SMNDC1: variants seen among roughly 807,000 people sequenced by gnomAD.
The protein encoded by SMNDC1 is survival motor neuron domain containing 1.
SMNDC1 carries 5 observed loss-of-function variants against 29.2 expected under a neutral mutation model. The ratio of observed to expected loss-of-function variants is 0.17; its 90% CI spans 0.09 to 0.36. The LOEUF (loss-of-function observed/expected upper bound fraction) is 0.36, where lower values mean the gene tolerates loss of function less well. SMNDC1 is among the 10% of genes least tolerant of loss of function. The pLI, the probability that SMNDC1 is intolerant of heterozygous loss-of-function variation, is 1.00. For synonymous variants in SMNDC1, 80 were observed against 89.9 expected (o/e 0.89, Z 0.62); for missense variants, 142 against 268.5 (o/e 0.53, Z 3.29).
chr10:110,293,941 T>C lies in SMNDC1; in HGVS notation c.*209A>G, dbSNP rs1003609972. 1 of 383,348 alleles carries C rather than the reference T, an allele frequency of 2.6e-6. No homozygotes were observed. The highest frequency in any genetic ancestry group is 4.6e-6 in the Non-Finnish European group (1 of 216,318). 23.7% of individuals were successfully genotyped at this position (383,348 alleles called of 1,614,324 possible). On this transcript the variant is annotated 3_prime_UTR_variant, in exon 6 of 6. Coordinates refer to ENST00000369603, the MANE Select transcript of SMNDC1 (RefSeq NM_005871.4). ...AAAAGTTGCTTTATTCAACAAACTT[T>C]GAGGGAACCGTGGTACTGATAATGA...
intron 3 of SMNDC1, among the ~76,000 whole-genome samples, 161 bp downstream of exon 3, chr10:110,298,487 C>G (rs1202159330): frequency 2.0e-5 from 3 of 152,144 alleles, no homozygotes; most frequent in African/African-American, 7.2e-5. Flanking sequence ...TAAAACTAAA[C>G]TGTATTAATG....
At chr10:110,302,197 T>A (rs1043708046) in intron 2 of SMNDC1, among the ~76,000 whole-genome samples, 2 of 152,178 alleles carry the variant, frequency 1.3e-5, no homozygotes, top group Non-Finnish European at 2.9e-5. Context: ...TCACAACATA[T>A]GAGCAAATCA....
chr10:110,297,488 A>C, intron 4 of SMNDC1, 79 bp downstream of exon 4: 1 of 1,334,306 alleles, frequency 7.5e-7, no homozygotes, highest in South Asian at 1.4e-5. Context: ...TTTCTTATGC[A>C]TAGATTCTCT....
At position 110,297,550 on chromosome 10, in the gene SMNDC1, A is replaced by C; in HGVS notation, c.425+17T>G. Reference sequence around the variant, plus strand: ...GGGGAAGATTGCACCTAAAATGGAAAAGTCAAAGTCACTTACTTTGACATG... The same window carrying C: ...GGGGAAGATTGCACCTAAAATGGAACAGTCAAAGTCACTTACTTTGACATG... On this transcript the variant is annotated intron_variant, in intron 4 of 5. Coordinates refer to ENST00000369603, the MANE Select transcript of SMNDC1 (RefSeq NM_005871.4). The C allele has an allele frequency of 6.2e-7, 1 of 1,608,628 alleles. No individual in the cohort carries two copies. Among genetic ancestry groups the C allele is most frequent in the South Asian group, 1.1e-5 (1 of 90,422 alleles).
rs1254499468 is a variant in SMNDC1, at chr10:110,291,061, A to G, written c.*3089T>C. ...AATTTTTTAAAAAAAATGTGTTGCT[A>G]CAGTAACTGATGCATCTTGTTTTGG... On this transcript the variant is annotated 3_prime_UTR_variant, in exon 6 of 6. Coordinates refer to ENST00000369603, the MANE Select transcript of SMNDC1 (RefSeq NM_005871.4). 2.0e-5 allele frequency: 3 copies of G among 152,226 alleles called. No homozygotes were observed. In the East Asian group the frequency reaches 5.8e-4, roughly 29 times the overall value. The allele number at this position is 152,226 out of a possible 1,614,324, so 9.4% of individuals were successfully genotyped here. A position where few individuals can be genotyped will look rare whatever the true frequency, so the allele number is the denominator to read the frequency against.
chr10:110,300,203 C>T (rs1857625236), intron 2 of SMNDC1, among the ~76,000 whole-genome samples: 1 of 152,214 alleles, frequency 6.6e-6, no homozygotes, highest in South Asian at 2.1e-4. Context: ...AACTTAAGCA[C>T]AGACATGAAT....
intron 2 of SMNDC1, among the ~76,000 whole-genome samples, chr10:110,303,064 T>C (rs1031637155): frequency 6.6e-6 from 1 of 152,218 alleles, no homozygotes; most frequent in Admixed American, 6.5e-5. Flanking sequence ...AATCTTGTGG[T>C]ATTAAAAAGA....
In SMNDC1 at chr10:110,293,421, A is replaced by G. The variant is rs953932241; in HGVS notation, c.*729T>C. 6.6e-6 allele frequency: 1 copy of G among 152,628 alleles called. No individual in the cohort carries two copies. Among genetic ancestry groups the G allele is most frequent in the African/African-American group, 2.4e-5 (1 of 41,468 alleles). The allele number at this position is 152,628 out of a possible 1,614,324, so 9.5% of individuals were successfully genotyped here. A position where few individuals can be genotyped will look rare whatever the true frequency, so the allele number is the denominator to read the frequency against. The stretch of plus-strand genomic sequence containing the variant: ...ATACATCAGCTTTTTGTTCTCCCAT[A>G]TAAACATCACACATCCAAAACATGG... On this transcript the variant is annotated 3_prime_UTR_variant, in exon 6 of 6. Transcript: ENST00000369603.
intron 3 of SMNDC1, among the ~76,000 whole-genome samples, chr10:110,298,186 A>C (rs988513318): frequency 6.6e-6 from 1 of 151,984 alleles, no homozygotes; most frequent in East Asian, 1.9e-4. Context: ...ATGGGGTTTC[A>C]CCATGTTGGT....
chr10:110,292,893 T>A lies in SMNDC1; in HGVS notation c.*1257A>T, dbSNP rs1857514991. 2.0e-5 allele frequency: 3 copies of A among 152,186 alleles called. No homozygotes were observed. In the East Asian group the frequency reaches 5.8e-4, roughly 29 times the overall value. 9.4% of individuals were successfully genotyped at this position (152,186 alleles called of 1,614,324 possible). ...CTGGTTTGCCCTTTAAGATCCAATT[T>A]CTTCTAATGGAAGGAATACTTAAGC... On this transcript the variant is annotated 3_prime_UTR_variant, in exon 6 of 6. Coordinates refer to ENST00000369603, the MANE Select transcript of SMNDC1 (RefSeq NM_005871.4).
intron 2 of SMNDC1, among the ~76,000 whole-genome samples, chr10:110,299,213 G>A (rs1208394635): frequency 6.6e-6 from 1 of 152,204 alleles, no homozygotes; most frequent in Non-Finnish European, 1.5e-5. Context: ...AGTATTAACT[G>A]CCAAGCAATC....
Position 110,297,562 on chromosome 10 carries a change from C to G in SMNDC1, c.425+5G>C. The stretch of plus-strand genomic sequence containing the variant: ...ACCTAAAATGGAAAAGTCAAAGTCA[C>G]TTACTTTGACATGGGTTTGTTGCCA... On this transcript the variant is annotated splice_donor_5th_base_variant and intron_variant, in intron 4 of 5. Coordinates refer to ENST00000369603, the MANE Select transcript of SMNDC1 (RefSeq NM_005871.4). 6.2e-7 allele frequency: 1 copy of G among 1,611,874 alleles called. No homozygotes were observed. The highest frequency in any genetic ancestry group is 8.5e-7 in the Non-Finnish European group (1 of 1,178,944).
At chr10:110,303,684 C>T (rs1857692820) in intron 1 of SMNDC1, 97 bp from the exon 2 acceptor site, 1 of 1,216,658 alleles carries the variant, frequency 8.2e-7, no homozygotes, top group Non-Finnish European at 1.1e-6. Context: ...CAGTTTTTGC[C>T]TCTAACTCCT....
In SMNDC1 at chr10:110,291,296, TTTA is replaced by T. The variant is rs1419198273; in HGVS notation, c.*2851_*2853del. 3 of 152,158 alleles carry T rather than the reference TTTA, an allele frequency of 2.0e-5. No individual in the cohort carries two copies. Among genetic ancestry groups the T allele is most frequent in the Non-Finnish European group, 4.4e-5 (3 of 68,038 alleles). The allele number at this position is 152,158 out of a possible 1,614,324, so 9.4% of individuals were successfully genotyped here. The stretch of plus-strand genomic sequence containing the variant: ...TTTTAAACAAGCATTAGGGGTGACT[TTTA>T]TTATAACCTTCACCCCCTTCCCATT... On this transcript the variant is annotated 3_prime_UTR_variant, in exon 6 of 6. Coordinates refer to ENST00000369603, the MANE Select transcript of SMNDC1 (RefSeq NM_005871.4).
At chr10:110,295,731 T>C (rs1857555264) in intron 4 of SMNDC1, among the ~76,000 whole-genome samples, 1 of 151,362 alleles carries the variant, frequency 6.6e-6, no homozygotes, top group Non-Finnish European at 1.5e-5. Context: ...AACCTCCACC[T>C]CCTGGGTTCA....
chr10:110,303,953 A>G, intron 1 of SMNDC1: 1 of 185,378 alleles, frequency 5.4e-6, no homozygotes, highest in Non-Finnish European at 1.1e-5. Context: ...AACTTTCAAA[A>G]ACAATCCAAA....
In SMNDC1 at chr10:110,290,737, A is replaced by G. The variant is rs542222493; in HGVS notation, c.*3413T>C. 16 of 152,350 alleles carry G rather than the reference A, an allele frequency of 1.1e-4. No individual in the cohort carries two copies. In the South Asian group the frequency reaches 2.7e-3, roughly 26 times the overall value. 9.4% of individuals were successfully genotyped at this position (152,350 alleles called of 1,614,324 possible). On this transcript the variant is annotated 3_prime_UTR_variant, in exon 6 of 6. Coordinates refer to ENST00000369603, the MANE Select transcript of SMNDC1 (RefSeq NM_005871.4). Reference sequence around the variant, plus strand: ...ATATTTATTGAATCAAGATTTAAAAAAATATAAAACCTCATTGGTTTTAAT... The same window carrying G: ...ATATTTATTGAATCAAGATTTAAAAGAATATAAAACCTCATTGGTTTTAAT...
Position 110,298,717 on chromosome 10 carries a change from G to T in SMNDC1, c.194C>A (p.Ala65Asp). The T allele has an allele frequency of 6.2e-7, 1 of 1,613,572 alleles. No homozygotes were observed. Residue 65 changes from alanine (A) to aspartate (D), a missense_variant, in exon 3 of 6, where the codon GCT (alanine) becomes GAT (aspartate). By Grantham distance (126) the Ala-to-Asp change is moderately radical. Around this residue, in one of 4 missense-constraint regions of SMNDC1, gnomAD observed 65 missense variants for 75.9 expected, o/e 0.86. Coordinates refer to ENST00000369603, the MANE Select transcript of SMNDC1 (RefSeq NM_005871.4). ...SETLASSDSFASTQPTHSWKV... is the reference protein window; with the variant it reads ...SETLASSDSFDSTQPTHSWKV... ...CCATGAATGAGTAGGTTGAGTAGAAGCAAAACTGTCTGAACTTGCAAGCGT... is the reference window on the plus strand; with the variant it reads ...CCATGAATGAGTAGGTTGAGTAGAATCAAAACTGTCTGAACTTGCAAGCGT...
chr10:110,294,839 C>A (rs929898774), intron 5 of SMNDC1, among the ~76,000 whole-genome samples: 2 of 152,230 alleles, frequency 1.3e-5, no homozygotes, highest in Non-Finnish European at 2.9e-5. Context: ...CTACCCAACA[C>A]ACACAAGGTA....
Sources: allele counts gnomAD v4.1 joint callset (sites outside exome capture counted in the v4.1 genomes callset), GRCh38; gene constraint gnomAD v4.1.1; regional missense constraint gnomAD v4.1.1; transcripts MANE v1.5; gene names NCBI Gene and HGNC (gene_info 2026-07-23, HGNC 2026-07-21).